The following TRIO variants were observed in gnomAD, a reference collection of about 807,000 sequenced individuals.
TRIO encodes triple functional domain protein.
In TRIO, 58 loss-of-function variants were observed where a neutral mutation model predicts 351.9. The observed-to-expected ratio is 0.16, with a 90% CI of 0.13 to 0.21. TRIO has a LOEUF of 0.21. Among genes scored for constraint, TRIO ranks in the 10% least tolerant of loss-of-function variants. The pLI, the probability that TRIO is intolerant of heterozygous loss-of-function variation, is 1.00. For synonymous variants in TRIO, 1,758 were observed against 1,595.7 expected (o/e 1.10, Z -2.42); for missense variants, 3,201 against 4,027.8 (o/e 0.79, Z 5.56).
chr5:14,350,926 A>G (rs1743026638), intron 11 of TRIO, among the ~76,000 whole-genome samples: 1 of 152,170 alleles, frequency 6.6e-6, no homozygotes, highest in Non-Finnish European at 1.5e-5. Flanking sequence ...ATCAGGCGTT[A>G]GTTAGATTCT....
intron 8 of TRIO, among the ~76,000 whole-genome samples, chr5:14,312,010 T>A (rs1738972900): frequency 6.6e-6 from 1 of 152,220 alleles, no homozygotes. Context: ...CAGTTGTTGC[T>A]TTTGCAGTGG....
chr5:14,457,509 C>T (rs2126474690), intron 34 of TRIO, among the ~76,000 whole-genome samples: 1 of 151,956 alleles, frequency 6.6e-6, no homozygotes. Context: ...GAACCAAATC[C>T]CTTGCAGCTG....
intron 34 of TRIO, among the ~76,000 whole-genome samples, chr5:14,423,560 C>A (rs1750358475): frequency 1.3e-5 from 2 of 152,204 alleles, no homozygotes; most frequent in Non-Finnish European, 2.9e-5. Flanking sequence ...CTTTTTTCAC[C>A]TTTTCCCTTT....
intron 34 of TRIO, among the ~76,000 whole-genome samples, chr5:14,435,914 T>G (rs974544059): frequency 6.6e-6 from 1 of 152,210 alleles, no homozygotes; most frequent in Admixed American, 6.5e-5. Flanking sequence ...GCCCTCCTGG[T>G]CCGTTTTGTT....
intron 1 of TRIO, among the ~76,000 whole-genome samples, chr5:14,165,600 G>T (rs1788717086): frequency 6.6e-6 from 1 of 152,094 alleles, no homozygotes; most frequent in Non-Finnish European, 1.5e-5. Flanking sequence ...CCCTCTGTCT[G>T]TCTTTCTGAG....
chr5:14,206,558 C>T (rs1581349341), intron 1 of TRIO, among the ~76,000 whole-genome samples: 2 of 152,330 alleles, frequency 1.3e-5, no homozygotes, highest in Non-Finnish European at 2.9e-5. Flanking sequence ...GTCCCAGCAG[C>T]CTCTTTCTCA....
chr5:14,275,849 ACT>A (rs997129969), intron 2 of TRIO, among the ~76,000 whole-genome samples: 6 of 132,858 alleles, frequency 4.5e-5, no homozygotes, highest in Admixed American at 3.8e-4. Flanking sequence ...GTAAAACACA[ACT>A]CTGTCTCTAT....
chr5:14,278,899 C>G (rs1209349583), intron 2 of TRIO, among the ~76,000 whole-genome samples: 1 of 152,166 alleles, frequency 6.6e-6, no homozygotes, highest in Non-Finnish European at 1.5e-5. Flanking sequence ...GCCAGTAGTT[C>G]GAAAGATCAT....
intron 1 of TRIO, among the ~76,000 whole-genome samples, chr5:14,251,706 G>T (rs2152248062): frequency 6.6e-6 from 1 of 152,328 alleles, no homozygotes; most frequent in South Asian, 2.1e-4. Flanking sequence ...TCACCTCGAA[G>T]CTACCCTGGG....
chr5:14,228,367 G>A (rs567799356), intron 1 of TRIO, among the ~76,000 whole-genome samples: 3 of 152,252 alleles, frequency 2.0e-5, no homozygotes, highest in Non-Finnish European at 4.4e-5. Context: ...ATGTGAGCCT[G>A]TGGTTGACAA....
At position 14,286,006 on chromosome 5, in the gene TRIO, T is replaced by C. The variant is rs1243428480; in HGVS notation, c.348-865T>C. Among the ~76,000 whole-genome samples, 2 of 152,244 alleles carry C rather than the reference T, an allele frequency of 1.3e-5. No homozygotes were observed. The highest frequency in any genetic ancestry group is 2.9e-5 in the Non-Finnish European group (2 of 68,038). ...GTGTTTAAGGACACCTTAACTCTTGTTGCTCATTCTTTATTGCAGATTTGC... is the reference window on the plus strand; with the variant it reads ...GTGTTTAAGGACACCTTAACTCTTGCTGCTCATTCTTTATTGCAGATTTGC... On this transcript the variant is annotated intron_variant, in intron 3 of 56. Transcript: ENST00000344204. This position sits in a 1 kb window ranked among gnomAD's most constrained non-coding sequence, Gnocchi z 4.4.
intron 11 of TRIO, among the ~76,000 whole-genome samples, chr5:14,340,636 T>C (rs1290184796): frequency 6.6e-6 from 1 of 152,094 alleles, no homozygotes; most frequent in African/African-American, 2.4e-5. Flanking sequence ...AACAACTCAC[T>C]TTAAAAAGGT....
intron 34 of TRIO, among the ~76,000 whole-genome samples, chr5:14,432,031 T>A (rs913166912): frequency 2.6e-5 from 4 of 152,170 alleles, no homozygotes; most frequent in Admixed American, 2.6e-4. Context: ...AACTTCAACA[T>A]GGATTTTAGG....
intron 35 of TRIO, 46 bp downstream of exon 35, chr5:14,461,357 G>A: frequency 6.8e-7 from 1 of 1,460,900 alleles, no homozygotes; most frequent in Non-Finnish European, 9.0e-7. Context: ...GGGGCCCGCT[G>A]GGCTTTTGCT....
chr5:14,314,410 A>G (rs1739199400), intron 8 of TRIO, among the ~76,000 whole-genome samples: 1 of 152,252 alleles, frequency 6.6e-6, no homozygotes, highest in Non-Finnish European at 1.5e-5. Context: ...TTGTGAATAT[A>G]GCAACTACAA....
At chr5:14,259,723 C>G (rs951922881) in intron 1 of TRIO, among the ~76,000 whole-genome samples, 1 of 152,024 alleles carries the variant, frequency 6.6e-6, no homozygotes, top group Admixed American at 6.6e-5. Context: ...AAGAAAACTT[C>G]CAAATTAACT....
At chr5:14,190,887 C>T (rs1581314825) in intron 1 of TRIO, among the ~76,000 whole-genome samples, 1 of 152,194 alleles carries the variant, frequency 6.6e-6, no homozygotes, top group South Asian at 2.1e-4. Flanking sequence ...AGCCAGATAA[C>T]GGATAGCCAT....
rs143128111 is a variant in TRIO at position 14,425,182 on chromosome 5, C to T, written c.5203+5161C>T. On this transcript the variant is annotated intron_variant, in intron 34 of 56. Coordinates refer to ENST00000344204, the MANE Select transcript of TRIO (RefSeq NM_007118.4). ...CATTCACATCTAGAATTCTTTTTTC[C>T]GTCTTACAGAACTGAACCTCTGTGC... 5.5e-3 allele frequency among the ~76,000 whole-genome samples: 835 copies of T among 152,232 alleles called. 10 individuals are homozygous for T. Among genetic ancestry groups the T allele is most frequent in the African/African-American group, 0.019 (794 of 41,552 alleles).
At chr5:14,461,978 GA>G (rs1438576172) in intron 35 of TRIO, among the ~76,000 whole-genome samples, 2 of 152,200 alleles carry the variant, frequency 1.3e-5, no homozygotes, top group African/African-American at 4.8e-5. Context: ...GCAAGAAACA[GA>G]ATTCCTTCAG....
Sources: gnomAD v4.1 joint callset for allele counts (sites outside exome capture counted in the v4.1 genomes callset) on GRCh38, gnomAD v4.1.1 for gene constraint, Gnocchi (gnomAD v3.1) non-coding constraint, MANE v1.5 for transcripts, NCBI Gene and HGNC (gene_info 2026-07-23, HGNC 2026-07-21) for gene names.